HTR3B: variants seen among roughly 807,000 people sequenced by gnomAD.
HTR3B encodes 5-hydroxytryptamine (serotonin) receptor 3B, ionotropic.
Under a neutral mutation model 42.8 loss-of-function variants are expected in HTR3B, and 44 were observed. That is an observed-to-expected ratio of 1.03 (90% CI 0.81 to 1.32). The LOEUF is 1.32. HTR3B is among the 40% of genes most tolerant of loss of function. HTR3B has a pLI of 0.00. For synonymous variants in HTR3B, 203 were observed against 209.0 expected, an observed-to-expected ratio of 0.97 and a Z score of 0.25; for missense variants, 527 against 536.5, an observed-to-expected ratio of 0.98 and a Z score of 0.17.
chr11:113,909,585 C>T (rs574646641), intron 2 of HTR3B, 130 bp downstream of exon 2: 317 of 730,732 alleles, frequency 4.3e-4, no homozygotes, highest in Non-Finnish European at 5.8e-4. Flanking sequence ...GCGCTAGATT[C>T]ATTTTAGCAG....
At chr11:113,923,741 G>A (rs946412036) in intron 2 of HTR3B, among the ~76,000 whole-genome samples, 2 of 152,184 alleles carry the variant, frequency 1.3e-5, no homozygotes, top group South Asian at 4.1e-4. Flanking sequence ...AGAGGGAAAA[G>A]CTGTGAATAA....
chr11:113,904,951 G>A lies in HTR3B; in HGVS notation c.18G>A (p.Met6Ile), dbSNP rs774521771. The A allele has an allele frequency of 1.5e-5, 25 of 1,613,764 alleles. No homozygotes were observed. Among genetic ancestry groups the A allele is most frequent in the Non-Finnish European group, 2.0e-5 (24 of 1,179,748 alleles). ...GCCCAGGAATGTTGTCAAGTGTAAT[G>A]GCTCCCCTGTGGGCCTGCATCCTGG... MLSSV[M>I]APLWACILVA... is the part of the protein sequence containing the mutation. The change falls in exon 1 of 9, where the codon ATG (methionine) becomes ATA (isoleucine). Residue 6 changes from methionine (M) to isoleucine (I), a missense_variant. By Grantham distance (10) the Met-to-Ile change is conservative. Coordinates refer to ENST00000260191, the MANE Select transcript of HTR3B (RefSeq NM_006028.5).
At position 113,907,398 on chromosome 11, in the gene HTR3B, T is replaced by C. The variant is rs533750640; in HGVS notation, c.53-1897T>C. On this transcript the variant is annotated intron_variant, in intron 1 of 8. Coordinates refer to ENST00000260191, the MANE Select transcript of HTR3B (RefSeq NM_006028.5). ...TGGTCACTTAAATCCTTAATCTCTC[T>C]CCTGTAATTGATCTTTCTCCTCAGG... 2.0e-3 allele frequency among the ~76,000 whole-genome samples: 299 copies of C among 152,324 alleles called. 1 individual carries two copies. The highest frequency in any genetic ancestry group is 2.6e-3 in the Non-Finnish European group (176 of 68,036).
chr11:113,911,758 C>G (rs1949796849), intron 2 of HTR3B, among the ~76,000 whole-genome samples: 1 of 151,996 alleles, frequency 6.6e-6, no homozygotes, highest in African/African-American at 2.4e-5. Context: ...GAACTCCCGA[C>G]CTGAAGTGAT....
chr11:113,941,827 G>T (rs1950137295), intron 6 of HTR3B, among the ~76,000 whole-genome samples: 2 of 152,082 alleles, frequency 1.3e-5, no homozygotes, highest in Non-Finnish European at 2.9e-5. Context: ...TTCAGGTCTG[G>T]TCACCACTCC....
At chr11:113,911,321 C>T (rs1949790838) in intron 2 of HTR3B, among the ~76,000 whole-genome samples, 1 of 152,088 alleles carries the variant, frequency 6.6e-6, no homozygotes, top group South Asian at 2.1e-4. Context: ...ACCTCTGCCT[C>T]CCGGGTTCAA....
chr11:113,934,947 C>T (rs1191060473), intron 6 of HTR3B, among the ~76,000 whole-genome samples: 1 of 151,780 alleles, frequency 6.6e-6, no homozygotes, highest in African/African-American at 2.4e-5. Flanking sequence ...GAACACTGCA[C>T]ACACCATTAC....
At chr11:113,914,868 A>G (rs1565557681) in intron 2 of HTR3B, among the ~76,000 whole-genome samples, 2 of 152,180 alleles carry the variant, frequency 1.3e-5, no homozygotes, top group Admixed American at 1.3e-4. Context: ...CAGTAAAACT[A>G]TAGGGGTCTG....
chr11:113,931,450 TAA>T (rs1950034338), intron 3 of HTR3B, 22 bp downstream of exon 3: 1 of 1,446,876 alleles, frequency 6.9e-7, no homozygotes, highest in Non-Finnish European at 9.6e-7. Context: ...TGTTTTCTTC[TAA>T]ATATATTGCA....
At chr11:113,904,297 T>C (rs563095537), upstream of HTR3B, among the ~76,000 whole-genome samples, 34 of 152,332 alleles carry the variant, frequency 2.2e-4, no homozygotes, top group Middle Eastern at 3.4e-3. Context: ...AGTGAAAATT[T>C]GAGAAGCCCT....
At chr11:113,939,307 G>T (rs1033376560) in intron 6 of HTR3B, among the ~76,000 whole-genome samples, 2 of 152,178 alleles carry the variant, frequency 1.3e-5, no homozygotes, top group East Asian at 3.9e-4. Flanking sequence ...ATCCAGTGAG[G>T]ACTATCCTTC....
chr11:113,912,409 A>G (rs772582016), intron 2 of HTR3B, among the ~76,000 whole-genome samples: 4 of 152,014 alleles, frequency 2.6e-5, no homozygotes, highest in Non-Finnish European at 5.9e-5. Flanking sequence ...ACGCCCAGCT[A>G]ATTTTTTGTA....
intron 6 of HTR3B, among the ~76,000 whole-genome samples, chr11:113,934,913 T>C (rs1950076434): frequency 6.6e-6 from 1 of 152,088 alleles, no homozygotes; most frequent in Admixed American, 6.6e-5. Flanking sequence ...AGGTGGAACA[T>C]AGTCACCTAC....
chr11:113,908,281 A>G (rs1395232137), intron 1 of HTR3B, among the ~76,000 whole-genome samples: 4 of 152,160 alleles, frequency 2.6e-5, no homozygotes, highest in Non-Finnish European at 5.9e-5. Context: ...TATAAACAGG[A>G]TTGTCGCACA....
At chr11:113,910,442 CTT>C (rs34377344) in intron 2 of HTR3B, among the ~76,000 whole-genome samples, 73 of 136,196 alleles carry the variant, frequency 5.4e-4, no homozygotes, top group Admixed American at 8.2e-4. Context: ...ATTTCTCTCT[CTT>C]TTTTTTTTTT....
At position 113,947,975 on chromosome 11, in the gene HTR3B, GC is replaced by G. The variant is rs1950192053; in HGVS notation, c.*1844del. Among the ~76,000 whole-genome samples the G allele has an allele frequency of 6.6e-6, 1 of 151,664 alleles. No homozygotes were observed. The highest frequency in any genetic ancestry group is 1.9e-4 in the East Asian group (1 of 5,168). On this transcript the variant is annotated 3_prime_UTR_variant, in exon 9 of 9. Transcript: ENST00000260191. ...ACTAAAATTGCCTTTAGAAAAATCT[GC>G]CCCCCTCCATCCCCCCAAAGAAAAA...
intron 4 of HTR3B, 61 bp from the exon 5 acceptor site, chr11:113,932,228 C>A: frequency 7.3e-7 from 1 of 1,377,280 alleles, no homozygotes; most frequent in Non-Finnish European, 1.0e-6. Context: ...CCTAATCAGC[C>A]TATGTTTTGA....
intron 1 of HTR3B, 118 bp downstream of exon 1, chr11:113,905,103 T>G (rs975720569): frequency 2.5e-5 from 18 of 706,490 alleles, no homozygotes; most frequent in Non-Finnish European, 4.1e-5. Context: ...ATTCATCGTC[T>G]GTAAAATGCC....
intron 2 of HTR3B, among the ~76,000 whole-genome samples, chr11:113,924,600 G>A (rs1197289856): frequency 7.0e-6 from 1 of 143,096 alleles, no homozygotes; most frequent in African/African-American, 2.6e-5. Context: ...ACCCCAGCTT[G>A]GGCAACAAAG....
Sources: allele counts gnomAD v4.1 joint callset (sites outside exome capture counted in the v4.1 genomes callset), GRCh38; gene constraint gnomAD v4.1.1; transcripts MANE v1.5; gene names NCBI Gene and HGNC (gene_info 2026-07-23, HGNC 2026-07-21).